The following ATP5F1A variants were observed in gnomAD, a reference collection of about 807,000 sequenced individuals.
ATP5F1A encodes the protein ATP synthase F1 subunit alpha.
Under a neutral mutation model 57.4 loss-of-function variants are expected in ATP5F1A, and 24 were observed. The ratio of observed to expected loss-of-function variants is 0.42; its 90% CI spans 0.30 to 0.59. The LOEUF is 0.59. Ranked by LOEUF, ATP5F1A falls within the 20% of genes least tolerant of loss-of-function variation. The pLI is 0.19. For missense variants in ATP5F1A, 494 were observed against 707.9 expected (o/e 0.70, Z 3.43); for synonymous variants, 251 against 255.5 (o/e 0.98, Z 0.17).
chr18:46,089,389 G>C (rs1910376403), intron 5 of ATP5F1A, 177 bp downstream of exon 5: 4 of 714,484 alleles, frequency 5.6e-6, no homozygotes, highest in African/African-American at 1.8e-5. Context: ...CACCTGATGA[G>C]AAATACCCAC....
chr18:46,091,666 T>C lies in ATP5F1A; in HGVS notation c.309+16A>G. 6.4e-7 allele frequency: 1 copy of C among 1,564,028 alleles called. No individual in the cohort carries two copies. The highest frequency in any genetic ancestry group is 2.3e-5 in the East Asian group (1 of 43,962). On this transcript the variant is annotated intron_variant, in intron 3 of 11. Coordinates refer to ENST00000398752, the MANE Select transcript of ATP5F1A (RefSeq NM_004046.6). ...ACTTAGATCCTAAAACACCAAAATC[T>C]TATTTTATAATTTACCTTTAAGCCT...
rs767524251 is a variant in ATP5F1A at position 46,086,277 on chromosome 18, G to C, written c.1285-20C>G. 1 of 1,613,682 alleles carries C rather than the reference G, an allele frequency of 6.2e-7. No homozygotes were observed. Among genetic ancestry groups the C allele is most frequent in the Non-Finnish European group, 8.5e-7 (1 of 1,179,852 alleles). On this transcript the variant is annotated intron_variant, in intron 9 of 11. Coordinates refer to ENST00000398752, the MANE Select transcript of ATP5F1A (RefSeq NM_004046.6). ...TGCTACCTGCAATACAGAAATTACT[G>C]TACTGTAACTCAGTGACACAGAGCA...
chr18:46,085,896 G>C, intron 10 of ATP5F1A: 1 of 550,376 alleles, frequency 1.8e-6, no homozygotes, highest in African/African-American at 1.9e-5. Context: ...TTGCGCCATT[G>C]CACTTCAGCC....
chr18:46,087,576 AT>A, intron 6 of ATP5F1A, 84 bp from the exon 7 acceptor site: 2 of 1,476,368 alleles, frequency 1.4e-6, no homozygotes, highest in Non-Finnish European at 1.8e-6. Context: ...TGCTAAAAAT[AT>A]TTACCATTAA....
In ATP5F1A at chr18:46,086,116, A is replaced by G. The variant is rs1185419976; in HGVS notation, c.1426T>C (p.Tyr476His). 2 of 1,612,042 alleles carry G rather than the reference A, an allele frequency of 1.2e-6. No homozygotes were observed. The highest frequency in any genetic ancestry group is 1.7e-6 in the Non-Finnish European group (2 of 1,179,942). Residue 476 changes from tyrosine (Y) to histidine (H), a missense_variant, in exon 10 of 12, where the codon TAT (tyrosine) becomes CAT (histidine). Transcript: ENST00000398752. The part of the protein sequence containing the change: ...RLTELLKQGQ[Y>H]SPMAIEEQVA... ...AATGAAGAAAAGAACAACTTACAATACTGTCCTTGCTTCAGCAACTCAGTT... is the reference window on the plus strand; with the variant it reads ...AATGAAGAAAAGAACAACTTACAATGCTGTCCTTGCTTCAGCAACTCAGTT...
At chr18:46,101,059 G>A (rs1599798272), upstream of ATP5F1A, among the ~76,000 whole-genome samples, 1 of 152,218 alleles carries the variant, frequency 6.6e-6, no homozygotes, top group East Asian at 1.9e-4. Flanking sequence ...GCGACAGAGT[G>A]AGACTCCATC....
rs1347090348 is a variant in ATP5F1A, at chr18:46,086,224, A to C, written c.1318T>G (p.Tyr440Asp). 6.2e-7 allele frequency: 1 copy of C among 1,613,436 alleles called. No homozygotes were observed. Among genetic ancestry groups the C allele is most frequent in the Non-Finnish European group, 8.5e-7 (1 of 1,180,038 alleles). The change falls in exon 10 of 12, where the codon TAT becomes GAT. Residue 440 changes from tyrosine to aspartate, a missense_variant. Physicochemically the swap from Tyr to Asp is radical, Grantham distance 160 (BLOSUM62 -3). This residue lies in a region of ATP5F1A where 127 missense variants were observed against 195.2 expected (regional missense o/e 0.65). Transcript: ENST00000398752. ...AGTMKLELAQ[Y>D]REVAAFAQFG... The stretch of plus-strand genomic sequence containing the variant: ...TGGGCAAAAGCAGCAACCTCACGAT[A>C]CTGAGCCAATTCCAGCTTCATGGTA...
At chr18:46,098,101 G>C in intron 1 of ATP5F1A, 71 bp downstream of exon 1, 1 of 1,524,208 alleles carries the variant, frequency 6.6e-7, no homozygotes, top group Non-Finnish European at 8.8e-7. Context: ...TGCAGAGAGC[G>C]CCCGAGCCGG....
chr18:46,100,245 T>A (rs1599797487), upstream of ATP5F1A, among the ~76,000 whole-genome samples: 3 of 30,984 alleles, frequency 9.7e-5, no homozygotes, highest in Admixed American at 4.0e-4. Context: ...AAAGTGAAAC[T>A]CCATCTAAAA....
upstream of ATP5F1A, chr18:46,098,372 C>CT: frequency 8.2e-7 from 1 of 1,213,132 alleles, no homozygotes; most frequent in Non-Finnish European, 1.1e-6. Context: ...ACCACCTCTC[C>CT]CCCCGCCCCC....
In ATP5F1A at chr18:46,091,689, C is replaced by T. The variant is rs1259434740; in HGVS notation, c.302G>A (p.Gly101Asp). Residue 101 changes from glycine to aspartate, a missense_variant, in exon 3 of 12, where the codon GGC (glycine) becomes GAC (aspartate). Transcript: ENST00000398752. ...TCTTATTTTATAATTTACCTTTAAG[C>T]CTGAAGAAAACTCTACCATTTCTTC... ...QAEEMVEFSS[G>D]LKGMSLNLEP... 1 of 1,597,616 alleles carries T rather than the reference C, an allele frequency of 6.3e-7. No individual in the cohort carries two copies. The highest frequency in any genetic ancestry group is 1.3e-5 in the African/African-American group (1 of 74,158).
chr18:46,090,077 T>TTTTGGG, intron 3 of ATP5F1A, 81 bp from the exon 4 acceptor site: 1 of 115,424 alleles, frequency 8.7e-6, no homozygotes, highest in Non-Finnish European at 1.5e-5. Flanking sequence ...AAGAAAATAG[T>TTTTGGG]CGGGGGGTGG....
rs768949207 is a variant in ATP5F1A, at chr18:46,087,332, T to A, written c.951+9A>T. ...AATAAATGGATTCTAAAAATTTATT[T>A]CCTTTGACCTGTTTGGATAAGTCGT... On this transcript the variant is annotated intron_variant, in intron 7 of 11. Transcript: ENST00000398752. 6.2e-7 allele frequency: 1 copy of A among 1,612,058 alleles called. No homozygotes were observed. The highest frequency in any genetic ancestry group is 1.7e-5 in the Admixed American group (1 of 59,394).
chr18:46,088,985 C>T (rs577953547), intron 5 of ATP5F1A, among the ~76,000 whole-genome samples: 1 of 152,096 alleles, frequency 6.6e-6, no homozygotes, highest in African/African-American at 2.4e-5. Context: ...ACATGCACAT[C>T]AAGGCACAGC....
rs150488495 is a variant in ATP5F1A at position 46,091,818 on chromosome 18, C to G, written c.173G>C (p.Arg58Pro). The G allele has an allele frequency of 6.2e-7, 1 of 1,613,372 alleles. No individual in the cohort carries two copies. The highest frequency in any genetic ancestry group is 1.3e-5 in the African/African-American group (1 of 74,822). The change falls in exon 3 of 12, where the codon CGT becomes CCT. Residue 58 changes from arginine to proline, a missense_variant. Arg to Pro is a moderately radical substitution (Grantham distance 103, BLOSUM62 -2). Coordinates refer to ENST00000398752, the MANE Select transcript of ATP5F1A (RefSeq NM_004046.6). ...TAEMSSILEERILGADTSVDL... is the reference protein window; with the variant it reads ...TAEMSSILEEPILGADTSVDL... ...AACAGAGGTATCAGCTCCAAGAATA[C>G]GCTCTTCAAGAATAGAGGACATCTC... is the stretch of plus-strand genomic sequence containing the variant.
chr18:46,088,339 T>C (rs1910277343), intron 5 of ATP5F1A, 82 bp from the exon 6 acceptor site: 3 of 1,284,846 alleles, frequency 2.3e-6, no homozygotes, highest in African/African-American at 3.0e-5. Flanking sequence ...GATCAGACTG[T>C]TACTGTGTCT....
At chr18:46,098,593 G>A (rs1465543666), upstream of ATP5F1A, among the ~76,000 whole-genome samples, 3 of 152,098 alleles carry the variant, frequency 2.0e-5, no homozygotes, top group Non-Finnish European at 4.4e-5. Flanking sequence ...GCCCCATCTG[G>A]TGCTAGAGGA....
chr18:46,103,610 CAAAAAAAAAAA>C (rs71160711), intron 1 of ATP5F1A, among the ~76,000 whole-genome samples: 1 of 34,500 alleles, frequency 2.9e-5, no homozygotes, highest in Non-Finnish European at 4.9e-5. Flanking sequence ...GACTCCATCT[CAAAAAAAAAAA>C]AAAAAAAAAA....
At chr18:46,096,499 T>TAAAA (rs1910965375) in intron 1 of ATP5F1A, among the ~76,000 whole-genome samples, 2 of 38,570 alleles carry the variant, frequency 5.2e-5, no homozygotes, top group African/African-American at 2.0e-4. Context: ...AAACTCCGTC[T>TAAAA]CAAAAAAAAA....
Sources: allele counts gnomAD v4.1 joint callset (sites outside exome capture counted in the v4.1 genomes callset), GRCh38; gene constraint gnomAD v4.1.1; regional missense constraint gnomAD v4.1.1; transcripts MANE v1.5; gene names NCBI Gene and HGNC (gene_info 2026-07-23, HGNC 2026-07-21).